ZNF710: variants seen among roughly 807,000 people sequenced by gnomAD.
The protein encoded by ZNF710 is zinc finger protein 710.
A neutral mutation model predicts 50.6 loss-of-function variants in ZNF710; 13 were observed. The ratio of observed to expected loss-of-function variants is 0.26; its 90% CI spans 0.17 to 0.41. The LOEUF is 0.41. Ranked by LOEUF, ZNF710 falls within the 10% of genes least tolerant of loss-of-function variation. The pLI, the probability that ZNF710 is intolerant of heterozygous loss-of-function variation, is 1.00. For missense variants in ZNF710, 721 were observed against 936.6 expected (o/e 0.77, Z 3.01); for synonymous variants, 383 against 397.0 (o/e 0.96, Z 0.42).
At chr15:90,052,924 C>G (rs1022075473) in intron 1 of ZNF710, among the ~76,000 whole-genome samples, 1 of 152,156 alleles carries the variant, frequency 6.6e-6, no homozygotes, top group Non-Finnish European at 1.5e-5. Flanking sequence ...CAGAGAGAGA[C>G]TCTGCCTCAA....
chr15:90,019,187 C>CT (rs11285838), intron 1 of ZNF710, among the ~76,000 whole-genome samples: 2,247 of 89,366 alleles, frequency 0.025, 77 homozygotes, highest in African/African-American at 0.088. Flanking sequence ...CTTTTTCTTT[C>CT]TTTTTTTTTT....
chr15:90,056,072 C>G (rs1899805148), intron 1 of ZNF710, among the ~76,000 whole-genome samples: 1 of 149,190 alleles, frequency 6.7e-6, no homozygotes, highest in African/African-American at 2.5e-5. Flanking sequence ...GCCAAGATCA[C>G]ACCACTACAT....
rs1900034267 is a variant in ZNF710, at chr15:90,062,263, C to T, written c.-28-4847C>T. Reference sequence around the variant, plus strand: ...GATATGTCCTCCCTTCCCCCACTCCCAGCACAACTACAATCAGGCAGCTCA... The same window carrying T: ...GATATGTCCTCCCTTCCCCCACTCCTAGCACAACTACAATCAGGCAGCTCA... On this transcript the variant is annotated intron_variant, in intron 1 of 4. Transcript: ENST00000268154. The surrounding 1 kb of genome is among the most constrained non-coding windows in gnomAD (Gnocchi z 5.6). Among the ~76,000 whole-genome samples, 1 of 151,948 alleles carries T rather than the reference C, an allele frequency of 6.6e-6. No individual in the cohort carries two copies. The highest frequency in any genetic ancestry group is 2.4e-5 in the African/African-American group (1 of 41,338).
upstream of ZNF710, among the ~76,000 whole-genome samples, chr15:90,000,628 T>C (rs945735119): frequency 6.6e-6 from 1 of 152,194 alleles, no homozygotes; most frequent in Non-Finnish European, 1.5e-5. Context: ...AACAGCTGTT[T>C]AAAGGCTTTT....
chr15:90,009,353 G>A (rs544612671), intron 1 of ZNF710, among the ~76,000 whole-genome samples: 19 of 152,162 alleles, frequency 1.2e-4, no homozygotes, highest in African/African-American at 3.9e-4. Flanking sequence ...TGTGATGTCC[G>A]ATCCTCGGGC....
chr15:90,066,474 A>ATTTTTT (rs71461840), intron 1 of ZNF710, among the ~76,000 whole-genome samples: 41 of 120,526 alleles, frequency 3.4e-4, no homozygotes, highest in South Asian at 2.0e-3. Flanking sequence ...ATTTTTAAGG[A>ATTTTTT]TTTTTTTTTT....
At chr15:90,025,489 A>G (rs1299596019) in intron 1 of ZNF710, 1 of 152,226 alleles carries the variant, frequency 6.6e-6, no homozygotes, top group Non-Finnish European at 1.5e-5. Context: ...GGAAATTACC[A>G]ACACCATTTA....
intron 1 of ZNF710, among the ~76,000 whole-genome samples, chr15:90,008,439 T>C (rs563046944): frequency 2.6e-4 from 36 of 140,074 alleles, no homozygotes; most frequent in Middle Eastern, 7.2e-3. Context: ...TATATATATA[T>C]ACATATATAT....
intron 1 of ZNF710, among the ~76,000 whole-genome samples, chr15:90,029,675 GTTTGA>G (rs1196005547): frequency 6.6e-6 from 1 of 152,110 alleles, no homozygotes; most frequent in Admixed American, 6.5e-5. Context: ...GAGTGCAGTG[GTTTGA>G]TCTTGGCTCA....
intron 1 of ZNF710, among the ~76,000 whole-genome samples, chr15:90,024,426 C>G (rs528653014): frequency 3.3e-5 from 5 of 152,226 alleles, no homozygotes; most frequent in African/African-American, 1.2e-4. Context: ...GATGGCCCCC[C>G]ACCTGTGCTT....
intron 1 of ZNF710, among the ~76,000 whole-genome samples, chr15:90,042,779 C>T (rs1033755861): frequency 6.6e-6 from 1 of 152,198 alleles, no homozygotes; most frequent in Non-Finnish European, 1.5e-5. Context: ...CCGGCACGAT[C>T]TGGTGTGTAA....
chr15:90,001,921 G>T (rs1163384249), intron 1 of ZNF710, among the ~76,000 whole-genome samples: 1 of 143,150 alleles, frequency 7.0e-6, no homozygotes, highest in East Asian at 2.1e-4. Context: ...GAAGGGAGAG[G>T]GAGGGAGCGA....
chr15:90,015,785 A>T (rs28588393), intron 1 of ZNF710, among the ~76,000 whole-genome samples: 1 of 151,918 alleles, frequency 6.6e-6, no homozygotes, highest in Non-Finnish European at 1.5e-5. Flanking sequence ...TAATTTTTAA[A>T]TTTTTTGTAG....
intron 1 of ZNF710, among the ~76,000 whole-genome samples, chr15:90,047,758 A>AT (rs1353819927): frequency 2.0e-5 from 3 of 150,302 alleles, no homozygotes; most frequent in African/African-American, 4.9e-5. Flanking sequence ...TGATTTTTGT[A>AT]TTTTTTCTAG....
intron 1 of ZNF710, among the ~76,000 whole-genome samples, chr15:90,061,056 T>C (rs553084429): frequency 2.6e-5 from 4 of 152,180 alleles, no homozygotes; most frequent in African/African-American, 7.2e-5. Context: ...TCAAATTACA[T>C]TGATCACGGG....
At position 90,059,165 on chromosome 15, in the gene ZNF710, A is replaced by G. The variant is rs1174212259; in HGVS notation, c.-28-7945A>G. Among the ~76,000 whole-genome samples the G allele has an allele frequency of 1.3e-5, 2 of 152,216 alleles. No homozygotes were observed. Among genetic ancestry groups the G allele is most frequent in the African/African-American group, 4.8e-5 (2 of 41,452 alleles). On this transcript the variant is annotated intron_variant, in intron 1 of 4. Coordinates refer to ENST00000268154, the MANE Select transcript of ZNF710 (RefSeq NM_198526.4). This position sits in a 1 kb window ranked among gnomAD's most constrained non-coding sequence, Gnocchi z 4.1. ...CAGTGCTTGCACTAAATCCTCAAAG[A>G]TGATGGGAAATTCACCCAGTTCGAG...
At chr15:90,079,250 A>G (rs192727110) in intron 4 of ZNF710, among the ~76,000 whole-genome samples, 1 of 152,244 alleles carries the variant, frequency 6.6e-6, no homozygotes. Flanking sequence ...AGTGGCTGGC[A>G]TGCAGCAGGT....
intron 1 of ZNF710, among the ~76,000 whole-genome samples, chr15:90,030,821 C>T (rs1898919154): frequency 6.6e-6 from 1 of 151,930 alleles, no homozygotes; most frequent in African/African-American, 2.4e-5. Context: ...TCAAGACCAT[C>T]CTGGCTAACA....
chr15:90,040,550 C>T lies in ZNF710; in HGVS notation c.-28-26560C>T, dbSNP rs539868904. ...TAATGCTCCGGGAGTTCACAGTGATCCCGATTTGACTTCACAGTGACTCCT... is the reference window on the plus strand; with the variant it reads ...TAATGCTCCGGGAGTTCACAGTGATTCCGATTTGACTTCACAGTGACTCCT... On this transcript the variant is annotated intron_variant, in intron 1 of 4. Transcript: ENST00000268154. The surrounding 1 kb of genome is among the most constrained non-coding windows in gnomAD (Gnocchi z 4.6). 9.2e-5 allele frequency among the ~76,000 whole-genome samples: 14 copies of T among 152,306 alleles called. No homozygotes were observed. Among genetic ancestry groups the T allele is most frequent in the Middle Eastern group, 3.4e-3 (1 of 294 alleles).
Sources: gnomAD v4.1 joint callset for allele counts (sites outside exome capture counted in the v4.1 genomes callset) on GRCh38, gnomAD v4.1.1 for gene constraint, Gnocchi (gnomAD v3.1) non-coding constraint, MANE v1.5 for transcripts, NCBI Gene and HGNC (gene_info 2026-07-23, HGNC 2026-07-21) for gene names.